The following SSBP2 variants were observed in gnomAD, a reference collection of about 807,000 sequenced individuals.
SSBP2 encodes single-stranded DNA-binding protein 2.
A neutral mutation model predicts 61.8 loss-of-function variants in SSBP2; 17 were observed. The ratio of observed to expected loss-of-function variants is 0.28; its 90% CI spans 0.19 to 0.41. The LOEUF (loss-of-function observed/expected upper bound fraction) is 0.41. Ranked by LOEUF, SSBP2 falls within the 10% of genes least tolerant of loss-of-function variation. The pLI, the probability that SSBP2 is intolerant of heterozygous loss-of-function variation, is 1.00. For synonymous variants in SSBP2, 139 were observed against 141.3 expected (o/e 0.98, Z 0.12); for missense variants, 310 against 458.7 (o/e 0.68, Z 2.96).
chr5:81,569,270 C>G (rs1204597385), intron 4 of SSBP2, among the ~76,000 whole-genome samples: 1 of 152,112 alleles, frequency 6.6e-6, no homozygotes, highest in Non-Finnish European at 1.5e-5. Context: ...AGACATAAAA[C>G]AGTTCTATCA....
At chr5:81,524,965 A>G (rs749420602) in intron 4 of SSBP2, among the ~76,000 whole-genome samples, 1 of 152,026 alleles carries the variant, frequency 6.6e-6, no homozygotes, top group African/African-American at 2.4e-5. Context: ...GGCAGGGAAA[A>G]TATAAATACA....
chr5:81,736,718 A>G (rs1000640998), intron 1 of SSBP2, among the ~76,000 whole-genome samples: 1 of 152,200 alleles, frequency 6.6e-6, no homozygotes, highest in Non-Finnish European at 1.5e-5. Context: ...AATTAACTCA[A>G]TTTGTGCTCT....
At chr5:81,730,492 T>C (rs1756191234) in intron 1 of SSBP2, among the ~76,000 whole-genome samples, 1 of 152,250 alleles carries the variant, frequency 6.6e-6, no homozygotes, top group African/African-American at 2.4e-5. Context: ...CCCAAAGTGC[T>C]GCTATTGCAG....
intron 1 of SSBP2, among the ~76,000 whole-genome samples, chr5:81,695,588 G>C (rs1246689031): frequency 1.4e-5 from 2 of 147,472 alleles, no homozygotes; most frequent in Non-Finnish European, 3.0e-5. Context: ...CTATGAATGA[G>C]AACATGCGGT....
intron 1 of SSBP2, among the ~76,000 whole-genome samples, chr5:81,720,935 T>C (rs1755503486): frequency 6.6e-6 from 1 of 152,162 alleles, no homozygotes; most frequent in African/African-American, 2.4e-5. Flanking sequence ...ATCAATAACC[T>C]GGGGTTTTCT....
chr5:81,743,845 T>C (rs1757185739), intron 1 of SSBP2, among the ~76,000 whole-genome samples: 1 of 152,210 alleles, frequency 6.6e-6, no homozygotes, highest in African/African-American at 2.4e-5. Context: ...CCATGCTACA[T>C]TCATGAGAGG....
intron 1 of SSBP2, among the ~76,000 whole-genome samples, chr5:81,747,023 G>T (rs923783378): frequency 6.8e-5 from 2 of 29,464 alleles, no homozygotes; most frequent in Admixed American, 6.2e-4. Flanking sequence ...CAAAATTCCT[G>T]GGGGGGGGGG....
intron 1 of SSBP2, among the ~76,000 whole-genome samples, chr5:81,750,465 C>T (rs1024657025): frequency 6.9e-6 from 1 of 145,560 alleles, no homozygotes; most frequent in Non-Finnish European, 1.5e-5. Flanking sequence ...GCCCCGCGCT[C>T]GCGGCCCTAA....
At chr5:81,489,028 C>A (rs1267360880) in intron 6 of SSBP2, among the ~76,000 whole-genome samples, 2 of 151,844 alleles carry the variant, frequency 1.3e-5, no homozygotes, top group Non-Finnish European at 1.5e-5. Context: ...TAGTCACAGA[C>A]AATACAGAAA....
At chr5:81,513,792 T>C (rs1768800379) in intron 4 of SSBP2, 75 bp from the exon 5 acceptor site, 1 of 917,868 alleles carries the variant, frequency 1.1e-6, no homozygotes, top group Middle Eastern at 2.2e-4. Context: ...TGATAATAGA[T>C]TGCAGGACGG....
intron 15 of SSBP2, among the ~76,000 whole-genome samples, chr5:81,433,006 G>C (rs1435832022): frequency 6.6e-6 from 1 of 151,226 alleles, no homozygotes; most frequent in Non-Finnish European, 1.5e-5. Flanking sequence ...CTCCCGCCCG[G>C]CCAGCCGCCC....
At chr5:81,698,891 G>A (rs1753769100) in intron 1 of SSBP2, among the ~76,000 whole-genome samples, 1 of 152,162 alleles carries the variant, frequency 6.6e-6, no homozygotes, top group Admixed American at 6.5e-5. Context: ...GCCCATCCTT[G>A]ATCAATCTGA....
At chr5:81,706,891 C>T (rs943837059) in intron 1 of SSBP2, among the ~76,000 whole-genome samples, 10 of 152,312 alleles carry the variant, frequency 6.6e-5, no homozygotes, top group African/African-American at 2.2e-4. Flanking sequence ...AGAAAAACAG[C>T]TGGAGCATGA....
chr5:81,496,410 C>T (rs1767282185), intron 5 of SSBP2, among the ~76,000 whole-genome samples: 1 of 152,120 alleles, frequency 6.6e-6, no homozygotes, highest in African/African-American at 2.4e-5. Context: ...GAACTCCTGA[C>T]CTTAGGTGAT....
intron 1 of SSBP2, among the ~76,000 whole-genome samples, chr5:81,688,525 T>C (rs1211275189): frequency 1.3e-5 from 2 of 152,196 alleles, no homozygotes; most frequent in Non-Finnish European, 2.9e-5. Flanking sequence ...ACGGGGGTGC[T>C]TGTGTCACCC....
At chr5:81,748,372 T>A (rs1299515179) in intron 1 of SSBP2, among the ~76,000 whole-genome samples, 2 of 152,202 alleles carry the variant, frequency 1.3e-5, no homozygotes, top group East Asian at 3.8e-4. Flanking sequence ...TCTGGTGACA[T>A]CCATTTTAAT....
chr5:81,744,050 A>T (rs906278119), intron 1 of SSBP2, among the ~76,000 whole-genome samples: 1 of 152,226 alleles, frequency 6.6e-6, no homozygotes, highest in African/African-American at 2.4e-5. Flanking sequence ...TGTTTCTTCC[A>T]TAACATTAAG....
chr5:81,449,470 G>C (rs1309423954), intron 10 of SSBP2, among the ~76,000 whole-genome samples: 1 of 152,126 alleles, frequency 6.6e-6, no homozygotes, highest in Non-Finnish European at 1.5e-5. Flanking sequence ...AAGCTTACTA[G>C]CTAACTTGTA....
chr5:81,723,929 AT>A (rs1339722651), intron 1 of SSBP2, among the ~76,000 whole-genome samples: 1 of 151,886 alleles, frequency 6.6e-6, no homozygotes, highest in African/African-American at 2.4e-5. Flanking sequence ...TGTCTTTTCT[AT>A]GCTTCTTTGC....
Sources: allele counts gnomAD v4.1 joint callset (sites outside exome capture counted in the v4.1 genomes callset), GRCh38; gene constraint gnomAD v4.1.1; transcripts MANE v1.5; gene names NCBI Gene and HGNC (gene_info 2026-07-23, HGNC 2026-07-21).